Variants in SAMD4A observed in about 807,000 individuals in gnomAD.
SAMD4A encodes protein Smaug homolog 1.
A neutral mutation model predicts 81.3 loss-of-function variants in SAMD4A; 33 were observed. The ratio of observed to expected loss-of-function variants is 0.41; its 90% CI spans 0.31 to 0.54. The LOEUF (loss-of-function observed/expected upper bound fraction) is 0.54. Among genes scored for constraint, SAMD4A ranks in the 20% least tolerant of loss-of-function variants. The probability of loss-of-function intolerance (pLI) is 0.37; values close to 1 mark genes in which losing one functional copy is unlikely to be tolerated. For missense variants in SAMD4A, 854 were observed against 951.1 expected, an observed-to-expected ratio of 0.90 and a Z score of 1.34; for synonymous variants, 389 against 382.1, an observed-to-expected ratio of 1.02 and a Z score of -0.21.
intron 5 of SAMD4A, 71 bp from the exon 6 acceptor site, chr14:54,751,380 A>G: frequency 2.9e-6 from 3 of 1,029,582 alleles, no homozygotes; most frequent in Non-Finnish European, 4.4e-6. Context: ...AGCCTCCAAG[A>G]ATCTGTAAGC....
intron 11 of SAMD4A, among the ~76,000 whole-genome samples, chr14:54,784,041 A>ACAAAGTCCTTT (rs1436569734): frequency 6.6e-6 from 1 of 152,222 alleles, no homozygotes; most frequent in Non-Finnish European, 1.5e-5. Flanking sequence ...CATACAAGGA[A>ACAAAGTCCTTT]CAAAGTCCTT....
chr14:54,727,266 T>A (rs1478850102), intron 3 of SAMD4A, among the ~76,000 whole-genome samples: 2 of 140,250 alleles, frequency 1.4e-5, no homozygotes, highest in East Asian at 4.9e-4. Flanking sequence ...CTCGGCTTAC[T>A]GCAACCTCTG....
At chr14:54,591,197 C>T (rs2033764987) in intron 2 of SAMD4A, among the ~76,000 whole-genome samples, 1 of 152,172 alleles carries the variant, frequency 6.6e-6, no homozygotes, top group African/African-American at 2.4e-5. Flanking sequence ...GATGGTGGTG[C>T]CCCTAGTGAG....
chr14:54,632,110 C>A (rs1326715701), intron 2 of SAMD4A, among the ~76,000 whole-genome samples: 3 of 152,106 alleles, frequency 2.0e-5, no homozygotes, highest in Non-Finnish European at 2.9e-5. Flanking sequence ...TTGCCTTCCC[C>A]ACACTACCAC....
At chr14:54,654,151 A>C (rs1376813465) in intron 2 of SAMD4A, among the ~76,000 whole-genome samples, 2 of 152,172 alleles carry the variant, frequency 1.3e-5, no homozygotes, top group African/African-American at 2.4e-5. Context: ...CCGGTAGATG[A>C]CTATGACATA....
At chr14:54,750,026 C>G (rs1434461822) in intron 5 of SAMD4A, among the ~76,000 whole-genome samples, 15 of 152,182 alleles carry the variant, frequency 9.9e-5, no homozygotes, top group Admixed American at 9.8e-4. Context: ...ATTTCAACTT[C>G]CTAACATTTC....
chr14:54,692,885 C>CG (rs1555343981), intron 2 of SAMD4A: 1 of 147,458 alleles, frequency 6.8e-6, no homozygotes, highest in African/African-American at 2.5e-5. Context: ...TGCCCCCCCC[C>CG]GCAAAAAAAT....
At chr14:54,719,806 A>G (rs1361881435) in intron 3 of SAMD4A, among the ~76,000 whole-genome samples, 1 of 152,170 alleles carries the variant, frequency 6.6e-6, no homozygotes. Flanking sequence ...AGCGGTTGTG[A>G]AAGTCCTCTC....
chr14:54,744,385 T>C (rs938163924), intron 4 of SAMD4A, among the ~76,000 whole-genome samples: 3 of 152,206 alleles, frequency 2.0e-5, no homozygotes, highest in Non-Finnish European at 4.4e-5. Context: ...CTGTGTGAAC[T>C]GTTGTACACA....
At chr14:54,765,682 G>A (rs2038519598) in intron 8 of SAMD4A, among the ~76,000 whole-genome samples, 1 of 152,124 alleles carries the variant, frequency 6.6e-6, no homozygotes, top group South Asian at 2.1e-4. Flanking sequence ...TGCATGGGCA[G>A]CCAGTACTCC....
At chr14:54,687,336 G>A (rs772489915) in intron 2 of SAMD4A, 2 of 456,458 alleles carry the variant, frequency 4.4e-6, no homozygotes, top group African/African-American at 2.0e-5. Flanking sequence ...TTGGCATCTC[G>A]GGGAGGACCA....
At chr14:54,588,497 T>G (rs1030168932) in intron 2 of SAMD4A, among the ~76,000 whole-genome samples, 3 of 152,170 alleles carry the variant, frequency 2.0e-5, no homozygotes, top group Admixed American at 6.5e-5. Context: ...TTGTGCTCTT[T>G]CAGACTTTTT....
Position 54,760,507 on chromosome 14 carries a change from T to G in SAMD4A, c.1510+13T>G. ...GTCATGGGGAAAGGTAGAGCCTCAT[T>G]CGCCCATTTCTTTTTTCTTCTGGAT... is the stretch of plus-strand genomic sequence containing the variant. On this transcript the variant is annotated intron_variant, in intron 7 of 12. Coordinates refer to ENST00000554335, the MANE Select transcript of SAMD4A (RefSeq NM_015589.6). 1 of 1,383,954 alleles carries G rather than the reference T, an allele frequency of 7.2e-7. No homozygotes were observed. Among genetic ancestry groups the G allele is most frequent in the African/African-American group, 1.5e-5 (1 of 65,404 alleles). The allele number at this position is 1,383,954 out of a possible 1,614,324, so 85.7% of individuals were successfully genotyped here.
chr14:54,677,344 T>G (rs2140545365), intron 2 of SAMD4A, among the ~76,000 whole-genome samples: 1 of 152,338 alleles, frequency 6.6e-6, no homozygotes, highest in Admixed American at 6.5e-5. Flanking sequence ...ATATTTCTGT[T>G]TTAAAAGAAC....
intron 2 of SAMD4A, among the ~76,000 whole-genome samples, chr14:54,648,139 G>A (rs1339097410): frequency 6.6e-6 from 1 of 152,204 alleles, no homozygotes; most frequent in Non-Finnish European, 1.5e-5. Flanking sequence ...CTGACTCCCT[G>A]GCACCTGTAC....
chr14:54,672,018 GTGT>G (rs758540363), intron 2 of SAMD4A, among the ~76,000 whole-genome samples: 4 of 67,096 alleles, frequency 6.0e-5, no homozygotes, highest in Admixed American at 2.0e-4. Flanking sequence ...TCTGTTTATA[GTGT>G]TTTTTTTTTT....
Position 54,775,015 on chromosome 14 carries a change from C to T in SAMD4A, c.1797C>T (p.Tyr599=). 6.2e-7 allele frequency: 1 copy of T among 1,614,212 alleles called. No individual in the cohort carries two copies. The highest frequency in any genetic ancestry group is 8.5e-7 in the Non-Finnish European group (1 of 1,180,042). Reference sequence around the variant, plus strand: ...TGGGCAGACGGAACCCGCGCCAGTACCAGATCCCCTCTCGGAACGTCCCTT... The same window carrying T: ...TGGGCAGACGGAACCCGCGCCAGTATCAGATCCCCTCTCGGAACGTCCCTT... ...GGMGRRNPRQ[Y]QIPSRNVPSA... The change falls in exon 10 of 13, where the codon TAC becomes TAT. Residue 599 remains tyrosine (Y), a synonymous_variant. Coordinates refer to ENST00000554335, the MANE Select transcript of SAMD4A (RefSeq NM_015589.6).
intron 11 of SAMD4A, chr14:54,784,138 T>C: frequency 1.8e-6 from 1 of 554,168 alleles, no homozygotes; most frequent in East Asian, 3.1e-5. Flanking sequence ...GGCCGTGAGG[T>C]AGGAGGGGGC....
intron 2 of SAMD4A, among the ~76,000 whole-genome samples, chr14:54,642,513 G>A (rs1211206196): frequency 6.6e-6 from 1 of 152,184 alleles, no homozygotes; most frequent in East Asian, 1.9e-4. Flanking sequence ...CCCTGACTCT[G>A]CCCTCAAATC....
Sources: allele counts gnomAD v4.1 joint callset (sites outside exome capture counted in the v4.1 genomes callset), GRCh38; gene constraint gnomAD v4.1.1; transcripts MANE v1.5; gene names NCBI Gene and HGNC (gene_info 2026-07-23, HGNC 2026-07-21).